EFR3A: variants seen among roughly 807,000 people sequenced by gnomAD.
EFR3A encodes the protein protein EFR3 homolog A.
EFR3A carries 76 observed loss-of-function variants against 104.4 expected under a neutral mutation model. The ratio of observed to expected loss-of-function variants is 0.73; its 90% CI spans 0.60 to 0.88. The LOEUF (loss-of-function observed/expected upper bound fraction) is 0.88, where lower values mean the gene tolerates loss of function less well. Among genes scored for constraint, EFR3A ranks in the 40% least tolerant of loss-of-function variants. The probability of loss-of-function intolerance (pLI) is 0.00; values close to 1 mark genes in which losing one functional copy is unlikely to be tolerated. For missense variants in EFR3A, 985 were observed against 1,012.5 expected, an observed-to-expected ratio of 0.97 and a Z score of 0.37; for synonymous variants, 330 against 330.0, an observed-to-expected ratio of 1.00 and a Z score of 0.00.
At chr8:131,975,984 T>C in intron 10 of EFR3A, 43 bp from the exon 11 acceptor site, 1 of 1,229,692 alleles carries the variant, frequency 8.1e-7, no homozygotes, top group Non-Finnish European at 1.2e-6. Flanking sequence ...TATGGAAAAG[T>C]AGACTTTTTC....
intron 8 of EFR3A, among the ~76,000 whole-genome samples, chr8:131,965,300 T>A (rs1221470618): frequency 6.6e-6 from 1 of 151,788 alleles, no homozygotes; most frequent in African/African-American, 2.4e-5. Flanking sequence ...TGGGAGAAAA[T>A]TTTTGCAATC....
Position 131,946,561 on chromosome 8 carries a change from A to G in EFR3A, c.294A>G (p.Glu98=), listed in dbSNP as rs1187749660. ...CHSQSIKPFV[E]SFLHMVAKLL... ...CTCAAAGCATTAAGCCATTTGTAGAAAGCTTTCTTCATATGGTGGCAAAGC... is the reference window on the plus strand; with the variant it reads ...CTCAAAGCATTAAGCCATTTGTAGAGAGCTTTCTTCATATGGTGGCAAAGC... Residue 98 remains glutamate (E), a synonymous_variant, in exon 4 of 23, where the codon GAA becomes GAG. Transcript: ENST00000254624. The G allele has an allele frequency of 1.2e-6, 2 of 1,608,356 alleles. No homozygotes were observed. Among genetic ancestry groups the G allele is most frequent in the Non-Finnish European group, 1.7e-6 (2 of 1,177,278 alleles).
intron 19 of EFR3A, among the ~76,000 whole-genome samples, chr8:132,001,307 C>A (rs910516395): frequency 3.9e-5 from 6 of 152,038 alleles, no homozygotes; most frequent in African/African-American, 1.2e-4. Context: ...TGTGTGGTAC[C>A]AAAATCATAG....
chr8:131,984,091 T>A, intron 14 of EFR3A, 48 bp from the exon 15 acceptor site: 6 of 1,531,954 alleles, frequency 3.9e-6, no homozygotes, highest in Non-Finnish European at 5.3e-6. Flanking sequence ...ATCTGCCTTT[T>A]CTACATTTTA....
At chr8:131,964,207 G>A (rs1819563468) in intron 8 of EFR3A, among the ~76,000 whole-genome samples, 1 of 151,390 alleles carries the variant, frequency 6.6e-6, no homozygotes, top group South Asian at 2.1e-4. Context: ...ACATAGTGTT[G>A]GAAGTTCTGG....
At chr8:131,909,610 T>G (rs1270139538) in intron 1 of EFR3A, among the ~76,000 whole-genome samples, 2 of 152,238 alleles carry the variant, frequency 1.3e-5, no homozygotes, top group East Asian at 1.9e-4. Flanking sequence ...CTGTACCACA[T>G]TTGAGGTCTG....
intron 14 of EFR3A, among the ~76,000 whole-genome samples, chr8:131,982,187 T>C (rs141341052): frequency 6.6e-6 from 1 of 152,100 alleles, no homozygotes; most frequent in African/African-American, 2.4e-5. Context: ...TTTTTACAGT[T>C]TGATAACCTA....
chr8:131,977,030 G>C lies in EFR3A; in HGVS notation c.1275-11G>C. 1 of 1,582,402 alleles carries C rather than the reference G, an allele frequency of 6.3e-7. No homozygotes were observed. Among genetic ancestry groups the C allele is most frequent in the Non-Finnish European group, 8.6e-7 (1 of 1,159,588 alleles). On this transcript the variant is annotated splice_polypyrimidine_tract_variant and intron_variant, in intron 11 of 22. Transcript: ENST00000254624. ...AATTAGTATAATAATTCAGCCTTTT[G>C]TATATTTTAGGGATTTGGGAACCAG...
rs548158466 is a variant in EFR3A, at chr8:131,947,630, A to G, written c.366+997A>G. On this transcript the variant is annotated intron_variant, in intron 4 of 22. Transcript: ENST00000254624. Reference sequence around the variant, plus strand: ...ATCTAAGAAACTATTGCCTAATCCAACATCAGAAAGGTTTACTCCTATAGT... The same window carrying G: ...ATCTAAGAAACTATTGCCTAATCCAGCATCAGAAAGGTTTACTCCTATAGT... 5.9e-5 allele frequency among the ~76,000 whole-genome samples: 9 copies of G among 152,042 alleles called. No homozygotes were observed. In the South Asian group the frequency reaches 1.2e-3, roughly 21 times the overall value.
At chr8:131,987,454 C>G in intron 17 of EFR3A, 121 bp from the exon 18 acceptor site, 1 of 1,111,906 alleles carries the variant, frequency 9.0e-7, no homozygotes, top group Non-Finnish European at 1.2e-6. Flanking sequence ...TCTGCTACTA[C>G]AGTTTACATT....
At position 131,922,134 on chromosome 8, in the gene EFR3A, C is replaced by T. The variant is rs776126991; in HGVS notation, c.10+17812C>T. Among the ~76,000 whole-genome samples, 119 of 152,092 alleles carry T rather than the reference C, an allele frequency of 7.8e-4. 1 individual carries two copies. Among genetic ancestry groups the T allele is most frequent in the Admixed American group, 1.8e-3 (28 of 15,260 alleles). On this transcript the variant is annotated intron_variant, in intron 1 of 22. Transcript: ENST00000254624. ...TCCTTGGCTTGTGGCAAAATAATTC[C>T]AATCTCTTCCGCTGTCTTCATGCAG...
chr8:132,011,348 A>G lies in EFR3A; in HGVS notation c.*453A>G, dbSNP rs3763568. On this transcript the variant is annotated 3_prime_UTR_variant, in exon 23 of 23. Coordinates refer to ENST00000254624, the MANE Select transcript of EFR3A (RefSeq NM_015137.6). Reference sequence around the variant, plus strand: ...ATTTAAATATATTCCTAGTCCTGGGACTGCAAAACTGTTCGGTGGCTTTTT... The same window carrying G: ...ATTTAAATATATTCCTAGTCCTGGGGCTGCAAAACTGTTCGGTGGCTTTTT... The G allele has an allele frequency of 0.83, 817,866 of 986,212 alleles. 339,790 individuals carry two copies. Among genetic ancestry groups the G allele is most frequent in the African/African-American group, 0.94 (53,980 of 57,320 alleles). The allele number at this position is 986,212 out of a possible 1,614,324, so 61.1% of individuals were successfully genotyped here. A position where few individuals can be genotyped will look rare whatever the true frequency, so the allele number is the denominator to read the frequency against.
intron 2 of EFR3A, 160 bp downstream of exon 2, chr8:131,940,735 AC>A: frequency 8.2e-7 from 1 of 1,214,156 alleles, no homozygotes; most frequent in East Asian, 2.6e-5. Context: ...CTCTTAAATG[AC>A]CCATGCTTGC....
At chr8:131,954,838 A>G (rs1818896861) in intron 6 of EFR3A, among the ~76,000 whole-genome samples, 1 of 152,000 alleles carries the variant, frequency 6.6e-6, no homozygotes, top group Non-Finnish European at 1.5e-5. Flanking sequence ...TTATATGTGT[A>G]ATAGCAGCAT....
In EFR3A at chr8:131,970,497, T is replaced by C. The variant is rs1395349665; in HGVS notation, c.1013T>C (p.Phe338Ser). The change falls in exon 10 of 23, where the codon TTC becomes TCC. Residue 338 changes from phenylalanine to serine, a missense_variant. Phe to Ser is a radical substitution (Grantham distance 155, BLOSUM62 -2). Transcript: ENST00000254624. ...GSIGPTVLEV[F>S]NTLLKHLRLS... ...ATAGGTCCGACAGTGCTGGAAGTCT[T>C]CAATACCCTTTTGAAACATCTGCGT... 6.2e-7 allele frequency: 1 copy of C among 1,613,878 alleles called. No homozygotes were observed. The highest frequency in any genetic ancestry group is 8.5e-7 in the Non-Finnish European group (1 of 1,179,806).
chr8:131,975,357 A>ACT (rs1295775926), intron 10 of EFR3A, among the ~76,000 whole-genome samples: 2 of 151,918 alleles, frequency 1.3e-5, no homozygotes, highest in Non-Finnish European at 2.9e-5. Flanking sequence ...CGATGTGTGA[A>ACT]CTAGAATTTC....
intron 5 of EFR3A, among the ~76,000 whole-genome samples, chr8:131,952,559 G>T (rs1586592373): frequency 2.0e-5 from 3 of 152,236 alleles, no homozygotes; most frequent in Non-Finnish European, 4.4e-5. Flanking sequence ...GCCACCTTGT[G>T]CTTGGCCTTC....
intron 2 of EFR3A, among the ~76,000 whole-genome samples, chr8:131,940,954 C>T (rs1049659032): frequency 9.2e-5 from 14 of 151,864 alleles, no homozygotes; most frequent in African/African-American, 3.4e-4. Flanking sequence ...TCATTATGCA[C>T]ATATATAAGT....
intron 1 of EFR3A, among the ~76,000 whole-genome samples, chr8:131,905,538 A>T (rs769883262): frequency 6.6e-6 from 1 of 152,180 alleles, no homozygotes. Context: ...CTCCTCATAC[A>T]TGTGTGGGTA....
Sources: gnomAD v4.1 joint callset for allele counts (sites outside exome capture counted in the v4.1 genomes callset) on GRCh38, gnomAD v4.1.1 for gene constraint, MANE v1.5 for transcripts, NCBI Gene and HGNC (gene_info 2026-07-23, HGNC 2026-07-21) for gene names.